Variants in CDH13 observed in about 807,000 individuals in gnomAD.
CDH13 encodes the protein cadherin 13.
Under a neutral mutation model 63.8 loss-of-function variants are expected in CDH13, and 24 were observed. The ratio of observed to expected loss-of-function variants is 0.38; its 90% CI spans 0.27 to 0.53. CDH13 has a LOEUF of 0.53. CDH13 is among the 20% of genes least tolerant of loss of function. The pLI is 0.85. For missense variants in CDH13, 1,049 were observed against 903.1 expected (o/e 1.16, Z -2.07); for synonymous variants, 503 against 355.3 (o/e 1.42, Z -4.67).
chr16:83,152,941 A>T (rs1201126291), intron 4 of CDH13, among the ~76,000 whole-genome samples: 1 of 152,216 alleles, frequency 6.6e-6, no homozygotes, highest in Non-Finnish European at 1.5e-5. Flanking sequence ...GAAAGCAGAG[A>T]TTGGGATGAT....
intron 11 of CDH13, among the ~76,000 whole-genome samples, chr16:83,762,643 G>A (rs1389472167): frequency 6.6e-6 from 1 of 152,168 alleles, no homozygotes; most frequent in African/African-American, 2.4e-5. Flanking sequence ...ACTGGGGACG[G>A]CCACAGGCAG....
intron 2 of CDH13, among the ~76,000 whole-genome samples, chr16:83,007,585 T>A (rs775736478): frequency 2.0e-5 from 3 of 152,004 alleles, no homozygotes; most frequent in Non-Finnish European, 2.9e-5. Flanking sequence ...ACCCCAGCAC[T>A]TTGGGAGGCT....
chr16:82,876,675 A>G (rs749814304), intron 2 of CDH13, among the ~76,000 whole-genome samples: 78 of 152,292 alleles, frequency 5.1e-4, no homozygotes, highest in Non-Finnish European at 9.3e-4. Context: ...AATACCTTCC[A>G]GTTTGGGATG....
intron 10 of CDH13, among the ~76,000 whole-genome samples, chr16:83,705,928 G>C (rs1467056830): frequency 6.6e-6 from 1 of 152,134 alleles, no homozygotes; most frequent in Non-Finnish European, 1.5e-5. Context: ...GTCTGCCCTA[G>C]GGCTGGTTGC....
At chr16:83,123,879 CT>C (rs542439635) in intron 3 of CDH13, among the ~76,000 whole-genome samples, 67 of 152,208 alleles carry the variant, frequency 4.4e-4, no homozygotes, top group African/African-American at 1.6e-3. Flanking sequence ...TTGTTTAAGA[CT>C]TTTTAATCAT....
chr16:82,686,638 C>CA (rs202201635), intron 1 of CDH13, among the ~76,000 whole-genome samples: 2,623 of 152,312 alleles, frequency 0.017, 40 homozygotes, highest in Middle Eastern at 0.044. Flanking sequence ...TTCCTTTCCT[C>CA]AATGATTATT....
At chr16:83,427,893 T>C (rs1188549404) in intron 6 of CDH13, among the ~76,000 whole-genome samples, 1 of 152,230 alleles carries the variant, frequency 6.6e-6, no homozygotes, top group Non-Finnish European at 1.5e-5. Context: ...AGATGTTCCT[T>C]GGACCCAGGC....
intron 3 of CDH13, among the ~76,000 whole-genome samples, chr16:83,111,574 C>T (rs149394119): frequency 2.6e-5 from 4 of 152,118 alleles, no homozygotes; most frequent in Non-Finnish European, 5.9e-5. Context: ...TATGCTAGGA[C>T]AATCAGAGTC....
At chr16:83,427,458 C>T (rs1200761085) in intron 6 of CDH13, among the ~76,000 whole-genome samples, 1 of 152,158 alleles carries the variant, frequency 6.6e-6, no homozygotes, top group Non-Finnish European at 1.5e-5. Flanking sequence ...AACGAATTCT[C>T]TTCTGGAGCC....
chr16:82,966,003 G>A (rs1239423337), intron 2 of CDH13, among the ~76,000 whole-genome samples: 1 of 152,188 alleles, frequency 6.6e-6, no homozygotes, highest in Non-Finnish European at 1.5e-5. Flanking sequence ...ATCAGTCAAC[G>A]AGTTGACCAA....
intron 2 of CDH13, among the ~76,000 whole-genome samples, chr16:83,019,070 C>T (rs1310783612): frequency 6.6e-6 from 1 of 152,108 alleles, no homozygotes; most frequent in African/African-American, 2.4e-5. Flanking sequence ...TAAGAAAAAG[C>T]TTTCTTTCTT....
At chr16:82,767,073 G>T (rs919831647) in intron 1 of CDH13, among the ~76,000 whole-genome samples, 1 of 152,132 alleles carries the variant, frequency 6.6e-6, no homozygotes, top group African/African-American at 2.4e-5. Context: ...ATAAATTGTA[G>T]ATATGCTCTC....
At position 83,768,898 on chromosome 16, in the gene CDH13, C is replaced by T. The variant is rs1914579941; in HGVS notation, c.1682-11070C>T. 2.0e-5 allele frequency among the ~76,000 whole-genome samples: 3 copies of T among 152,128 alleles called. No homozygotes were observed. The South Asian group carries it at 6.2e-4, about 32-fold the overall frequency. On this transcript the variant is annotated intron_variant, in intron 11 of 13. Coordinates refer to ENST00000567109, the MANE Select transcript of CDH13 (RefSeq NM_001257.5). ...TATAACCTATATCTTGTGCTGACCT[C>T]CTATCTCATCCTGTGACTTAGAATG...
At chr16:83,625,206 G>A (rs1910187162) in intron 8 of CDH13, among the ~76,000 whole-genome samples, 1 of 149,754 alleles carries the variant, frequency 6.7e-6, no homozygotes, top group South Asian at 2.1e-4. Flanking sequence ...GTGTGTGCAT[G>A]TGTGTGTGCA....
Position 83,262,294 on chromosome 16 carries a change from G to C in CDH13, c.636+44797G>C, listed in dbSNP as rs142378202. On this transcript the variant is annotated intron_variant, in intron 5 of 13. Coordinates refer to ENST00000567109, the MANE Select transcript of CDH13 (RefSeq NM_001257.5). ...CTCCATGTCTCTGATTTGCCCATGG[G>C]GGGAGGACATTAAGTCTGCACAGCT... 1.2e-3 allele frequency among the ~76,000 whole-genome samples: 181 copies of C among 152,302 alleles called. 1 individual carries two copies. The highest frequency in any genetic ancestry group is 2.1e-3 in the Non-Finnish European group (145 of 68,038).
At chr16:83,615,980 C>T (rs1227045712) in intron 8 of CDH13, among the ~76,000 whole-genome samples, 16 of 152,266 alleles carry the variant, frequency 1.1e-4, no homozygotes, top group East Asian at 5.8e-4. Flanking sequence ...AATCTTCCAG[C>T]GTTCAAATAT....
chr16:83,509,160 A>G (rs1436892745), intron 7 of CDH13, among the ~76,000 whole-genome samples: 6 of 152,118 alleles, frequency 3.9e-5, no homozygotes, highest in Non-Finnish European at 7.4e-5. Context: ...CTTACCTCAG[A>G]GTTTCAAAGA....
chr16:83,207,608 A>G (rs934015080), intron 4 of CDH13, among the ~76,000 whole-genome samples: 2 of 152,322 alleles, frequency 1.3e-5, no homozygotes, highest in East Asian at 3.9e-4. Context: ...CCGTGTGTCT[A>G]TGGGTCACTT....
At chr16:83,600,887 A>G (rs937104021) in intron 7 of CDH13, among the ~76,000 whole-genome samples, 1 of 152,118 alleles carries the variant, frequency 6.6e-6, no homozygotes, top group Non-Finnish European at 1.5e-5. Flanking sequence ...AGATTCCAGT[A>G]TAATTAATTC....
Sources: gnomAD v4.1 joint callset for allele counts (sites outside exome capture counted in the v4.1 genomes callset) on GRCh38, gnomAD v4.1.1 for gene constraint, MANE v1.5 for transcripts, NCBI Gene and HGNC (gene_info 2026-07-23, HGNC 2026-07-21) for gene names.